Variants in CDH13 observed in about 807,000 individuals in gnomAD.
CDH13 encodes the protein cadherin-13.
In CDH13, 24 loss-of-function variants were observed where a neutral mutation model predicts 63.8. The ratio of observed to expected loss-of-function variants is 0.38; its 90% confidence interval spans 0.27 to 0.53. The LOEUF (loss-of-function observed/expected upper bound fraction) is 0.53. Among genes scored for constraint, CDH13 ranks in the 20% least tolerant of loss-of-function variants. The pLI is 0.85. For synonymous variants in CDH13, 503 were observed against 355.3 expected, an observed-to-expected ratio of 1.42 and a Z score of -4.67; for missense variants, 1,049 against 903.1, an observed-to-expected ratio of 1.16 and a Z score of -2.07.
chr16:83,079,754 G>A (rs776832883), intron 3 of CDH13, among the ~76,000 whole-genome samples: 21 of 152,140 alleles, frequency 1.4e-4, no homozygotes, highest in Non-Finnish European at 2.5e-4. Flanking sequence ...GATTTTTTAT[G>A]TCAGTCAAGT....
intron 7 of CDH13, among the ~76,000 whole-genome samples, chr16:83,597,686 A>G (rs1833968): frequency 0.55 from 83,883 of 152,022 alleles, 25,342 homozygotes; most frequent in African/African-American, 0.81. Flanking sequence ...AAACCTCATC[A>G]CAAACTTTGC....
intron 10 of CDH13, among the ~76,000 whole-genome samples, chr16:83,742,480 A>G (rs918550558): frequency 2.0e-5 from 3 of 152,168 alleles, no homozygotes; most frequent in Admixed American, 2.0e-4. Flanking sequence ...AATTGCCCGG[A>G]AATTCCAATT....
chr16:83,405,371 AAGTTAG>A, intron 6 of CDH13, among the ~76,000 whole-genome samples: 2 of 152,290 alleles, frequency 1.3e-5, no homozygotes, highest in East Asian at 3.9e-4. Flanking sequence ...TGATTTAAAG[AAGTTAG>A]TCTGATACGC....
At chr16:82,852,238 G>C (rs996708446) in intron 1 of CDH13, among the ~76,000 whole-genome samples, 2 of 152,182 alleles carry the variant, frequency 1.3e-5, no homozygotes, top group Non-Finnish European at 2.9e-5. Context: ...TGTGATGTCA[G>C]TGGTATCAAA....
intron 8 of CDH13, among the ~76,000 whole-genome samples, chr16:83,649,647 C>T (rs1161545070): frequency 3.3e-5 from 5 of 152,246 alleles, no homozygotes; most frequent in South Asian, 4.2e-4. Flanking sequence ...GGAAGATAGC[C>T]TCCTGCAGCC....
chr16:83,057,000 C>T (rs1597239467), intron 3 of CDH13, among the ~76,000 whole-genome samples: 1 of 152,132 alleles, frequency 6.6e-6, no homozygotes, highest in East Asian at 1.9e-4. Context: ...TGGAGTCTCA[C>T]TCTGTCGCCA....
intron 5 of CDH13, among the ~76,000 whole-genome samples, chr16:83,288,847 C>T (rs116475244): frequency 0.014 from 2,143 of 152,218 alleles, 48 homozygotes; most frequent in African/African-American, 0.045. Context: ...AACCAGCAGT[C>T]TAAAACATTA....
intron 6 of CDH13, among the ~76,000 whole-genome samples, chr16:83,352,889 C>T (rs1259026366): frequency 6.6e-6 from 1 of 151,970 alleles, no homozygotes; most frequent in Non-Finnish European, 1.5e-5. Context: ...GACTCCGTCT[C>T]AAAAAAATAA....
chr16:82,750,858 A>G (rs1195786869), intron 1 of CDH13, among the ~76,000 whole-genome samples: 1 of 152,192 alleles, frequency 6.6e-6, no homozygotes, highest in African/African-American at 2.4e-5. Flanking sequence ...TCTTCCGGCA[A>G]ATATTTAGTA....
In CDH13 at chr16:83,526,578, G is replaced by T. The variant is rs374481326; in HGVS notation, c.960+39923G>T. On this transcript the variant is annotated intron_variant, in intron 7 of 13. Coordinates refer to ENST00000567109, the MANE Select transcript of CDH13 (RefSeq NM_001257.5). ...CTCAGATGGTAATGCTCGCTTGCTA[G>T]CCCACTGCTCACCTCCTGCTGTGTG... is the stretch of plus-strand genomic sequence containing the variant. Among the ~76,000 whole-genome samples, 58 of 152,310 alleles carry T rather than the reference G, an allele frequency of 3.8e-4. No individual in the cohort carries two copies. The South Asian group carries it at 0.011, about 28-fold the overall frequency.
chr16:83,341,989 C>CCACCCA (rs1555532512), intron 5 of CDH13, among the ~76,000 whole-genome samples: 7 of 138,070 alleles, frequency 5.1e-5, no homozygotes, highest in Non-Finnish European at 9.3e-5. Context: ...GTGTCCCCTG[C>CCACCCA]CACACACACA....
intron 3 of CDH13, among the ~76,000 whole-genome samples, chr16:83,104,314 G>C (rs565865126): frequency 3.9e-5 from 6 of 152,194 alleles, no homozygotes; most frequent in African/African-American, 1.4e-4. Context: ...GTGAGACATC[G>C]CATACATTAT....
chr16:82,914,086 C>G (rs1052173652), intron 2 of CDH13, among the ~76,000 whole-genome samples: 1 of 152,052 alleles, frequency 6.6e-6, no homozygotes, highest in East Asian at 1.9e-4. Context: ...GAGGAAGGGA[C>G]GTACAGAAAC....
At chr16:83,779,535 G>C (rs28498712) in intron 11 of CDH13, among the ~76,000 whole-genome samples, 3 of 146,340 alleles carry the variant, frequency 2.1e-5, no homozygotes, top group Non-Finnish European at 4.5e-5. Flanking sequence ...TAACAACTGA[G>C]AAATGGGCTG....
intron 5 of CDH13, among the ~76,000 whole-genome samples, chr16:83,285,930 C>T (rs750068670): frequency 2.0e-5 from 3 of 152,170 alleles, no homozygotes; most frequent in Non-Finnish European, 4.4e-5. Context: ...AAGAAACAGA[C>T]CAAGGAGCGT....
chr16:82,959,356 C>T (rs1470270326), intron 2 of CDH13, among the ~76,000 whole-genome samples: 3 of 152,148 alleles, frequency 2.0e-5, no homozygotes, highest in East Asian at 1.9e-4. Flanking sequence ...TGATGTTTTG[C>T]CTCCTGTATT....
At chr16:83,367,587 G>C (rs1049950460) in intron 6 of CDH13, among the ~76,000 whole-genome samples, 2 of 152,176 alleles carry the variant, frequency 1.3e-5, no homozygotes, top group Non-Finnish European at 2.9e-5. Flanking sequence ...TTTCAAAGCA[G>C]CTGTTCCATT....
At chr16:83,144,846 A>G (rs1183096567) in intron 4 of CDH13, among the ~76,000 whole-genome samples, 1 of 152,204 alleles carries the variant, frequency 6.6e-6, no homozygotes, top group Non-Finnish European at 1.5e-5. Flanking sequence ...GCGTTCATGG[A>G]AATGGCCTTC....
At chr16:83,283,147 C>T (rs2089223184) in intron 5 of CDH13, among the ~76,000 whole-genome samples, 2 of 152,178 alleles carry the variant, frequency 1.3e-5, no homozygotes, top group African/African-American at 4.8e-5. Context: ...CTTAGATCTT[C>T]ACAGATTTTT....
Sources: allele counts gnomAD v4.1 joint callset (sites outside exome capture counted in the v4.1 genomes callset), GRCh38; gene constraint gnomAD v4.1.1; transcripts MANE v1.5; gene names NCBI Gene and HGNC (gene_info 2026-07-23, HGNC 2026-07-21).